The following MAD2L2 variants were observed in gnomAD, a reference collection of about 807,000 sequenced individuals.
MAD2L2 encodes mitotic spindle assembly checkpoint protein MAD2B.
In MAD2L2, 17 loss-of-function variants were observed where a neutral mutation model predicts 30.5. The ratio of observed to expected loss-of-function variants is 0.56; its 90% CI spans 0.38 to 0.84. The LOEUF is 0.84. Ranked by LOEUF, MAD2L2 falls within the 40% of genes least tolerant of loss-of-function variation. The pLI, the probability that MAD2L2 is intolerant of heterozygous loss-of-function variation, is 0.00. For synonymous variants in MAD2L2, 101 were observed against 113.9 expected (o/e 0.89, Z 0.72); for missense variants, 213 against 277.4 (o/e 0.77, Z 1.65).
At chr1:11,680,944 G>T in intron 1 of MAD2L2, 95 bp downstream of exon 1, 1 of 302,532 alleles carries the variant, frequency 3.3e-6, no homozygotes, top group Non-Finnish European at 5.5e-6. Context: ...AGCGGGACAT[G>T]CGGAAAGCGA....
intron 2 of MAD2L2, 37 bp from the exon 3 acceptor site, chr1:11,680,508 A>T: frequency 6.2e-7 from 1 of 1,611,356 alleles, no homozygotes; most frequent in Non-Finnish European, 8.5e-7. Flanking sequence ...CGCTCGAGGA[A>T]GCCCGCCGGC....
chr1:11,676,991 C>T (rs1482017364), intron 4 of MAD2L2, 43 bp from the exon 5 acceptor site: 2 of 1,423,014 alleles, frequency 1.4e-6, no homozygotes, highest in Non-Finnish European at 2.0e-6. Flanking sequence ...GGCACCCCAC[C>T]CCGACTACAC....
At chr1:11,679,001 T>C (rs2100710277) in intron 3 of MAD2L2, among the ~76,000 whole-genome samples, 1 of 152,176 alleles carries the variant, frequency 6.6e-6, no homozygotes. Flanking sequence ...TTGTCTCTAC[T>C]AAAAATACAA....
At chr1:11,675,567 T>G (rs1570284060) in intron 7 of MAD2L2, 91 bp downstream of exon 7, 3 of 1,256,186 alleles carry the variant, frequency 2.4e-6, no homozygotes, top group Non-Finnish European at 3.5e-6. Context: ...ATGTAATGGG[T>G]GGCTGGCCAC....
upstream of MAD2L2, among the ~76,000 whole-genome samples, chr1:11,683,294 A>C (rs1157301472): frequency 6.6e-6 from 1 of 152,212 alleles, no homozygotes; most frequent in Non-Finnish European, 1.5e-5. Flanking sequence ...AGAGCTAAGA[A>C]CGTCAGAAAA....
intron 3 of MAD2L2, among the ~76,000 whole-genome samples, chr1:11,679,985 GTTTTTTTTTTTT>G (rs70983583): frequency 3.4e-4 from 30 of 87,620 alleles, no homozygotes; most frequent in East Asian, 1.7e-3. Context: ...AGTGGAAGAG[GTTTTTTTTTTTT>G]TTTTTTTTTT....
chr1:11,689,854 G>A (rs1212728054), intron 1 of MAD2L2, among the ~76,000 whole-genome samples: 5 of 151,868 alleles, frequency 3.3e-5, no homozygotes, highest in African/African-American at 1.2e-4. Flanking sequence ...GTAACAACAT[G>A]GTCCTATCCC....
At position 11,676,067 on chromosome 1, in the gene MAD2L2, C is replaced by T. The variant is rs771992289; in HGVS notation, c.406G>A (p.Val136Ile). The T allele has an allele frequency of 5.0e-6, 8 of 1,613,356 alleles. No homozygotes were observed. Among genetic ancestry groups the T allele is most frequent in the Admixed American group, 1.7e-5 (1 of 59,982 alleles). The stretch of plus-strand genomic sequence containing the variant: ...ACACCTGGGGGGTTGTGGTCCAGGA[C>T]GGCATCGCACACGCTGATCTTCAGG... ...FILKISVCDA[V>I]LDHNPPGCTF... The change falls in exon 6 of 9, where the codon GTC becomes ATC. Residue 136 changes from valine (V) to isoleucine (I), a missense_variant. By Grantham distance (29) the Val-to-Ile change is conservative. Coordinates refer to ENST00000376692, the MANE Select transcript of MAD2L2 (RefSeq NM_006341.4).
At chr1:11,689,696 C>G (rs905254705) in intron 1 of MAD2L2, among the ~76,000 whole-genome samples, 3 of 152,148 alleles carry the variant, frequency 2.0e-5, no homozygotes, top group African/African-American at 7.2e-5. Flanking sequence ...AACCAGCAAC[C>G]CTTGGTGCTG....
At chr1:11,683,322 C>T (rs988680665), upstream of MAD2L2, among the ~76,000 whole-genome samples, 1 of 152,194 alleles carries the variant, frequency 6.6e-6, no homozygotes, top group Non-Finnish European at 1.5e-5. Context: ...AGGACATAAA[C>T]TCAACTGTCA....
upstream of MAD2L2, chr1:11,691,766 C>T (rs2100725646): frequency 6.6e-6 from 1 of 151,646 alleles, no homozygotes; most frequent in African/African-American, 2.4e-5. Context: ...CCACGCCGGC[C>T]CCGTTCCGCG....
At chr1:11,677,272 A>G (rs1180528523) in intron 4 of MAD2L2, 1 of 596,232 alleles carries the variant, frequency 1.7e-6, no homozygotes, top group African/African-American at 1.9e-5. Context: ...GGATGTGAGA[A>G]GAACCCCGAA....
At chr1:11,675,583 G>A in intron 7 of MAD2L2, 75 bp downstream of exon 7, 1 of 1,453,528 alleles carries the variant, frequency 6.9e-7, no homozygotes, top group Non-Finnish European at 9.7e-7. Flanking sequence ...GCCACAGGCA[G>A]TGCCCCTGCC....
At chr1:11,685,334 CTT>C (rs1341348266), upstream of MAD2L2, among the ~76,000 whole-genome samples, 2 of 152,318 alleles carry the variant, frequency 1.3e-5, no homozygotes, top group East Asian at 1.9e-4. Context: ...ACTTGCCTGA[CTT>C]GAATCCCAAC....
chr1:11,683,364 C>T (rs1640907522), upstream of MAD2L2, among the ~76,000 whole-genome samples: 1 of 152,218 alleles, frequency 6.6e-6, no homozygotes, highest in Admixed American at 6.5e-5. Flanking sequence ...GTCCCAACAG[C>T]TCTTGACACT....
chr1:11,691,657 C>G (rs1641070477), upstream of MAD2L2: 1 of 149,290 alleles, frequency 6.7e-6, no homozygotes, highest in Admixed American at 6.6e-5. Context: ...CCTCTGTCCC[C>G]TCCCCGCGCT....
At position 11,680,339 on chromosome 1, in the gene MAD2L2, G is replaced by A; in HGVS notation, c.159+14C>T. The A allele has an allele frequency of 6.2e-7, 1 of 1,605,258 alleles. No individual in the cohort carries two copies. Among genetic ancestry groups the A allele is most frequent in the Non-Finnish European group, 8.5e-7 (1 of 1,172,606 alleles). ...CACCCTGTACCCACTCTGTGGTTCT[G>A]GGACGTGCCTCACCTGGACCGGCAC... On this transcript the variant is annotated intron_variant, in intron 3 of 8. Transcript: ENST00000376692.
rs114302535 is a variant in MAD2L2 at position 11,679,888 on chromosome 1, G to A, written c.159+465C>T. The stretch of plus-strand genomic sequence containing the variant: ...CTTCTGGCAAGGGGAACTCTCTTCT[G>A]AGGGGTGGGTAGGCATCACCACTTT... On this transcript the variant is annotated intron_variant, in intron 3 of 8. Coordinates refer to ENST00000376692, the MANE Select transcript of MAD2L2 (RefSeq NM_006341.4). Among the ~76,000 whole-genome samples, 750 of 151,662 alleles carry A rather than the reference G, an allele frequency of 4.9e-3. 3 individuals carry two copies. Among genetic ancestry groups the A allele is most frequent in the African/African-American group, 0.017 (715 of 41,388 alleles).
In MAD2L2 at chr1:11,680,635, G is replaced by GA. The variant is rs1196749194; in HGVS notation, c.-12-23dup. 3.9e-6 allele frequency: 6 copies of GA among 1,536,226 alleles called. No homozygotes were observed. In the African/African-American group the frequency reaches 4.1e-5, roughly 11 times the overall value. ...CTACCTGAGTGTTGGGGCAAGGGCA[G>GA]AGGGTAGTTCCAGAGACCCAGGAGC... On this transcript the variant is annotated intron_variant, in intron 1 of 8. Coordinates refer to ENST00000376692, the MANE Select transcript of MAD2L2 (RefSeq NM_006341.4).
Sources: gnomAD v4.1 joint callset for allele counts (sites outside exome capture counted in the v4.1 genomes callset) on GRCh38, gnomAD v4.1.1 for gene constraint, MANE v1.5 for transcripts, NCBI Gene and HGNC (gene_info 2026-07-23, HGNC 2026-07-21) for gene names.